The following ARAP2 variants were observed in gnomAD, a reference collection of about 807,000 sequenced individuals.
The protein encoded by ARAP2 is ArfGAP with RhoGAP domain, ankyrin repeat and PH domain 2.
In ARAP2, 148 loss-of-function variants were observed where a neutral mutation model predicts 194.5. The observed-to-expected ratio is 0.76, with a 90% CI of 0.67 to 0.87. ARAP2 has a LOEUF of 0.87. Among genes scored for constraint, ARAP2 ranks in the 40% least tolerant of loss-of-function variants. The probability of loss-of-function intolerance (pLI) is 0.00; values close to 1 mark genes in which losing one functional copy is unlikely to be tolerated. For missense variants in ARAP2, 2,128 were observed against 1,989.7 expected (o/e 1.07, Z -1.32); for synonymous variants, 695 against 683.5 (o/e 1.02, Z -0.26).
At chr4:36,181,454 G>A (rs1037671450) in intron 8 of ARAP2, among the ~76,000 whole-genome samples, 14 of 151,986 alleles carry the variant, frequency 9.2e-5, no homozygotes, top group Non-Finnish European at 7.4e-5. Flanking sequence ...CTGGACTACT[G>A]GGTTTAGCAG....
At chr4:36,204,429 T>C (rs1035506742) in intron 6 of ARAP2, among the ~76,000 whole-genome samples, 10 of 152,154 alleles carry the variant, frequency 6.6e-5, no homozygotes, top group African/African-American at 2.4e-4. Context: ...CTATCCTCCT[T>C]TTCTCAGGAA....
intron 27 of ARAP2, among the ~76,000 whole-genome samples, chr4:36,098,284 T>C (rs1577870671): frequency 1.3e-5 from 2 of 152,210 alleles, no homozygotes; most frequent in East Asian, 3.9e-4. Context: ...ATCATTATTC[T>C]TTCAGCAATT....
chr4:36,163,955 C>A (rs980265433), intron 11 of ARAP2, among the ~76,000 whole-genome samples: 2 of 152,120 alleles, frequency 1.3e-5, no homozygotes, highest in Non-Finnish European at 2.9e-5. Flanking sequence ...TTGAATAGTG[C>A]TCTAGAAAAG....
chr4:36,058,362 T>C (rs1442884745), intron 1 of ARAP2, among the ~76,000 whole-genome samples: 1 of 152,222 alleles, frequency 6.6e-6, no homozygotes, highest in African/African-American at 2.4e-5. Context: ...TCCAATGTTG[T>C]TTCCTGAACA....
intron 16 of ARAP2, among the ~76,000 whole-genome samples, chr4:36,148,870 C>T (rs1428752945): frequency 6.6e-6 from 1 of 152,126 alleles, no homozygotes; most frequent in African/African-American, 2.4e-5. Flanking sequence ...ACTGCCCAAA[C>T]AGTTTTTAAC....
chr4:36,178,265 C>G (rs1182002277), intron 8 of ARAP2, among the ~76,000 whole-genome samples: 2 of 152,164 alleles, frequency 1.3e-5, no homozygotes, highest in Non-Finnish European at 2.9e-5. Context: ...AGGCCCTACT[C>G]CAGATCTGAT....
chr4:36,087,851 G>A (rs1027454931), intron 28 of ARAP2, among the ~76,000 whole-genome samples: 4 of 152,078 alleles, frequency 2.6e-5, no homozygotes, highest in Non-Finnish European at 5.9e-5. Context: ...AGCCTTTGGA[G>A]TCTAATGCCT....
At chr4:36,012,906 C>T (rs1488179165) in intron 8 of ARAP2, 2 of 152,186 alleles carry the variant, frequency 1.3e-5, no homozygotes, top group Non-Finnish European at 2.9e-5. Context: ...GTGGCATTGT[C>T]TTGCCTGCTT....
chr4:36,152,673 T>TTAA (rs1553921757), intron 15 of ARAP2, among the ~76,000 whole-genome samples: 1 of 148,514 alleles, frequency 6.7e-6, no homozygotes, highest in African/African-American at 2.5e-5. Flanking sequence ...ACTGAAGTGA[T>TTAA]AAAAAAAAAA....
At chr4:36,107,222 C>A (rs75902333) in intron 27 of ARAP2, among the ~76,000 whole-genome samples, 3,464 of 152,036 alleles carry the variant, frequency 0.023, 59 homozygotes, top group African/African-American at 0.053. Context: ...GCCTAGAAAG[C>A]TTTCTAATGT....
chr4:36,042,036 G>A (rs930481050), intron 5 of ARAP2, among the ~76,000 whole-genome samples: 2 of 152,026 alleles, frequency 1.3e-5, no homozygotes, highest in African/African-American at 2.4e-5. Flanking sequence ...GGAGAGGGTG[G>A]GAGAAGGGAG....
chr4:36,154,154 A>G (rs778362249), intron 15 of ARAP2, among the ~76,000 whole-genome samples: 2 of 152,190 alleles, frequency 1.3e-5, no homozygotes, highest in Non-Finnish European at 2.9e-5. Flanking sequence ...TACGGTAAAG[A>G]ATGTGTACAA....
At chr4:36,016,478 T>C (rs1448277085) in intron 6 of ARAP2, among the ~76,000 whole-genome samples, 1 of 151,194 alleles carries the variant, frequency 6.6e-6, no homozygotes, top group Admixed American at 6.7e-5. Context: ...TGTTATATTA[T>C]CCTTTATAGC....
At chr4:36,243,438 C>A (rs1475676032) in intron 1 of ARAP2, among the ~76,000 whole-genome samples, 2 of 147,634 alleles carry the variant, frequency 1.4e-5, no homozygotes, top group Non-Finnish European at 3.0e-5. Flanking sequence ...ACTTACAACA[C>A]CCTAAGATGT....
intron 28 of ARAP2, among the ~76,000 whole-genome samples, chr4:36,088,337 T>C (rs1042854803): frequency 1.3e-5 from 2 of 152,108 alleles, no homozygotes; most frequent in Admixed American, 6.6e-5. Flanking sequence ...CAGTTCTAGC[T>C]GACTAGAATA....
intron 31 of ARAP2, among the ~76,000 whole-genome samples, chr4:36,079,984 G>A (rs192985819): frequency 6.6e-6 from 1 of 152,168 alleles, no homozygotes; most frequent in African/African-American, 2.4e-5. Flanking sequence ...GGAGGCTGTG[G>A]GGCTGGCAGA....
intron 2 of ARAP2, among the ~76,000 whole-genome samples, chr4:36,220,404 G>A (rs919983984): frequency 6.6e-6 from 1 of 152,150 alleles, no homozygotes. Context: ...TTGTGGTGAT[G>A]CTGGTGCAAG....
At chr4:36,170,823 AG>A (rs771181115) in intron 9 of ARAP2, among the ~76,000 whole-genome samples, 4 of 152,172 alleles carry the variant, frequency 2.6e-5, no homozygotes, top group Admixed American at 6.5e-5. Context: ...GTAAGTATCT[AG>A]TTGTGCCAGA....
At chr4:36,073,624 T>A in intron 32 of ARAP2, 65 bp downstream of exon 32, 1 of 1,541,160 alleles carries the variant, frequency 6.5e-7, no homozygotes, top group Non-Finnish European at 8.8e-7. Flanking sequence ...AATGACCTAA[T>A]CACATTATGA....
Sources: allele counts gnomAD v4.1 joint callset (sites outside exome capture counted in the v4.1 genomes callset), GRCh38; gene constraint gnomAD v4.1.1; transcripts MANE v1.5; gene names NCBI Gene and HGNC (gene_info 2026-07-23, HGNC 2026-07-21).